Variants in RETREG1 observed in about 807,000 individuals in gnomAD.
RETREG1 encodes the protein family with sequence similarity 134 member B.
In RETREG1, 44 loss-of-function variants were observed where a neutral mutation model predicts 54.8. The observed-to-expected ratio is 0.80, with a 90% confidence interval of 0.63 to 1.03. The LOEUF is 1.03. RETREG1 is among the 50% of genes least tolerant of loss of function. RETREG1 has a pLI of 0.00. For missense variants in RETREG1, 554 were observed against 605.1 expected (o/e 0.92, Z 0.89); for synonymous variants, 217 against 238.5 (o/e 0.91, Z 0.83).
Position 16,478,113 on chromosome 5 carries a change from A to G in RETREG1, c.809-15T>C, listed in dbSNP as rs750192399. ...TTTGTCTGCTTCTGTTGAGGAAAAA[A>G]TTTGGAAGCTTTCAGTTTCCTAGCC... On this transcript the variant is annotated splice_polypyrimidine_tract_variant and intron_variant, in intron 6 of 8. Coordinates refer to ENST00000306320, the MANE Select transcript of RETREG1 (RefSeq NM_001034850.3). The G allele has an allele frequency of 6.3e-7, 1 of 1,599,114 alleles. No individual in the cohort carries two copies. The highest frequency in any genetic ancestry group is 8.6e-7 in the Non-Finnish European group (1 of 1,167,424).
chr5:16,553,887 C>T (rs1395511929), intron 3 of RETREG1, among the ~76,000 whole-genome samples: 1 of 152,110 alleles, frequency 6.6e-6, no homozygotes, highest in African/African-American at 2.4e-5. Context: ...TGACAGAACC[C>T]AGGGATAGGT....
chr5:16,552,729 C>T (rs1304722831), intron 3 of RETREG1, among the ~76,000 whole-genome samples: 8 of 152,202 alleles, frequency 5.3e-5, no homozygotes, highest in Non-Finnish European at 1.2e-4. Flanking sequence ...TATCCATGCA[C>T]ACCTGTGCAC....
At chr5:16,606,526 T>C (rs1472514710) in intron 1 of RETREG1, among the ~76,000 whole-genome samples, 2 of 152,158 alleles carry the variant, frequency 1.3e-5, no homozygotes, top group Non-Finnish European at 2.9e-5. Flanking sequence ...CCACGTCCAC[T>C]GCAACATGGC....
At chr5:16,602,618 G>A (rs557176296) in intron 1 of RETREG1, among the ~76,000 whole-genome samples, 2 of 152,326 alleles carry the variant, frequency 1.3e-5, no homozygotes, top group East Asian at 3.9e-4. Flanking sequence ...CTGATATCAT[G>A]ACAAGGGAAG....
At chr5:16,544,395 A>G (rs1406430368) in intron 3 of RETREG1, among the ~76,000 whole-genome samples, 3 of 152,196 alleles carry the variant, frequency 2.0e-5, no homozygotes, top group Non-Finnish European at 4.4e-5. Flanking sequence ...TAGCTATGTC[A>G]GTTAAACATC....
At chr5:16,573,735 G>GGT (rs1742248118) in intron 1 of RETREG1, among the ~76,000 whole-genome samples, 1 of 122,104 alleles carries the variant, frequency 8.2e-6, no homozygotes, top group Non-Finnish European at 1.7e-5. Context: ...GGGTTTGTTT[G>GGT]TTTTTTGTTT....
At chr5:16,579,724 A>T (rs1742432492) in intron 1 of RETREG1, among the ~76,000 whole-genome samples, 4 of 152,094 alleles carry the variant, frequency 2.6e-5, no homozygotes. Context: ...GCTTTTTCCT[A>T]CTGGTTTCTT....
At chr5:16,522,220 A>G (rs565999234) in intron 3 of RETREG1, among the ~76,000 whole-genome samples, 2 of 152,262 alleles carry the variant, frequency 1.3e-5, no homozygotes, top group African/African-American at 4.8e-5. Flanking sequence ...ATATGTGGAA[A>G]AAAAAAAAAG....
At chr5:16,522,756 A>G (rs1740575446) in intron 3 of RETREG1, among the ~76,000 whole-genome samples, 1 of 152,132 alleles carries the variant, frequency 6.6e-6, no homozygotes, top group South Asian at 2.1e-4. Context: ...TGTAATCCCA[A>G]CAGTTTGAGA....
intron 3 of RETREG1, chr5:16,508,468 A>T: frequency 1.9e-6 from 2 of 1,080,412 alleles, no homozygotes; most frequent in Non-Finnish European, 2.8e-6. Context: ...TGCATTCTTC[A>T]TATTTTTACA....
intron 3 of RETREG1, among the ~76,000 whole-genome samples, chr5:16,506,484 T>TG (rs996688081): frequency 6.2e-4 from 94 of 151,880 alleles, no homozygotes; most frequent in African/African-American, 1.8e-3. Context: ...TTTGTTTTTT[T>TG]TTTTTTTGAG....
At chr5:16,544,877 T>C (rs1448397726) in intron 3 of RETREG1, among the ~76,000 whole-genome samples, 1 of 152,252 alleles carries the variant, frequency 6.6e-6, no homozygotes, top group African/African-American at 2.4e-5. Flanking sequence ...AACTGCTTTG[T>C]TCAGACTCCA....
intron 3 of RETREG1, among the ~76,000 whole-genome samples, chr5:16,505,899 C>CAGAGT (rs1295223520): frequency 6.6e-6 from 1 of 152,230 alleles, no homozygotes; most frequent in East Asian, 1.9e-4. Flanking sequence ...TCGCCTGCTT[C>CAGAGT]AGAGTGGCAT....
At chr5:16,604,905 C>T (rs1404373188) in intron 1 of RETREG1, among the ~76,000 whole-genome samples, 1 of 152,164 alleles carries the variant, frequency 6.6e-6, no homozygotes, top group Non-Finnish European at 1.5e-5. Context: ...ATATCTTGGA[C>T]TCATTTATCT....
chr5:16,492,475 A>G (rs1174558527), intron 3 of RETREG1, among the ~76,000 whole-genome samples: 1 of 152,158 alleles, frequency 6.6e-6, no homozygotes, highest in Non-Finnish European at 1.5e-5. Context: ...ACTTAAAAAA[A>G]AAAAAAAAGG....
chr5:16,488,098 G>T (rs1301910169), intron 3 of RETREG1, among the ~76,000 whole-genome samples: 3 of 152,202 alleles, frequency 2.0e-5, no homozygotes, highest in Non-Finnish European at 2.9e-5. Context: ...GCTGAGGCAG[G>T]TGTGTCTTAC....
intron 3 of RETREG1, among the ~76,000 whole-genome samples, chr5:16,542,435 CGATA>C (rs759730453): frequency 6.0e-5 from 9 of 151,240 alleles, no homozygotes; most frequent in African/African-American, 9.9e-5. Flanking sequence ...TGTCAATAGA[CGATA>C]GTCAATAGAA....
At chr5:16,536,069 A>G (rs1010208692) in intron 3 of RETREG1, among the ~76,000 whole-genome samples, 3 of 152,238 alleles carry the variant, frequency 2.0e-5, no homozygotes, top group African/African-American at 7.2e-5. Context: ...TTGGGCTGAC[A>G]TGCACCTGCC....
intron 2 of RETREG1, among the ~76,000 whole-genome samples, chr5:16,568,944 G>A (rs1401932341): frequency 1.3e-5 from 2 of 152,116 alleles, no homozygotes; most frequent in East Asian, 1.9e-4. Flanking sequence ...GGAAGGAGAG[G>A]AGACTGCTGA....
Sources: gnomAD v4.1 joint callset for allele counts (sites outside exome capture counted in the v4.1 genomes callset) on GRCh38, gnomAD v4.1.1 for gene constraint, MANE v1.5 for transcripts, NCBI Gene and HGNC (gene_info 2026-07-23, HGNC 2026-07-21) for gene names.